Variants in RP1 observed in about 807,000 individuals in gnomAD.
RP1 encodes the protein oxygen-regulated protein 1.
RP1 carries 16 observed loss-of-function variants against 14.8 expected under a neutral mutation model. That is an observed-to-expected ratio of 1.08 (90% CI 0.73 to 1.65). RP1 has a LOEUF of 1.65. Ranked by LOEUF, RP1 falls within the 40% of genes most tolerant of loss-of-function variation. The pLI is 0.00. For synonymous variants in RP1, 876 were observed against 883.6 expected (o/e 0.99, Z 0.15); for missense variants, 2,631 against 2,535.0 (o/e 1.04, Z -0.81).
chr8:54,626,545 C>T lies in RP1; in HGVS notation c.2663C>T (p.Ala888Val). The T allele has an allele frequency of 1.2e-6, 2 of 1,613,730 alleles. No individual in the cohort carries two copies. The highest frequency in any genetic ancestry group is 1.7e-4 in the Middle Eastern group (1 of 6,058). The change falls in exon 4 of 4, where the codon GCT becomes GTT. Residue 888 changes from alanine (A) to valine (V), a missense_variant. Coordinates refer to ENST00000220676, the MANE Select transcript of RP1 (RefSeq NM_006269.2). ...AGTGCTATTTTAAGTAAACAACATG[C>T]TACAACCAGGGCAAATTCTTTAGCT... Reference protein sequence around the residue: ...KASAILSKQHATTRANSLASL... With the variant: ...KASAILSKQHVTTRANSLASL...
chr8:54,701,457 T>G (rs1808015628), intron 13 of RP1: 2 of 1,489,342 alleles, frequency 1.3e-6, no homozygotes, highest in Non-Finnish European at 1.8e-6. Flanking sequence ...TGTTACTAAT[T>G]TAGAGGGTTT....
Position 54,664,570 on chromosome 8 carries a change from A to G in RP1, c.1323+720A>G, listed in dbSNP as rs938734110. Reference sequence around the variant, plus strand: ...TGCCAAGACTTGTTAATTTTTTTTTATGTAACCATCCTAATGGCTATGAAG... The same window carrying G: ...TGCCAAGACTTGTTAATTTTTTTTTGTGTAACCATCCTAATGGCTATGAAG... On this transcript the variant is annotated intron_variant, in intron 7 of 22. Transcript: ENST00000636932. 3.3e-5 allele frequency among the ~76,000 whole-genome samples: 5 copies of G among 151,972 alleles called. No individual in the cohort carries two copies. In the East Asian group the frequency reaches 7.7e-4, roughly 23 times the overall value.
At chr8:54,573,813 C>T (rs1359507668) in intron 1 of RP1, among the ~76,000 whole-genome samples, 4 of 152,128 alleles carry the variant, frequency 2.6e-5, no homozygotes, top group African/African-American at 9.7e-5. Flanking sequence ...AGGATTGGAA[C>T]AACTCCAATG....
At position 54,621,358 on chromosome 8, in the gene RP1, G is replaced by A. The variant is rs752150870; in HGVS notation, c.392G>A (p.Arg131Gln). The A allele has an allele frequency of 5.8e-5, 93 of 1,611,612 alleles. No homozygotes were observed. In the East Asian group the frequency reaches 2.1e-3, roughly 36 times the overall value. The change falls in exon 2 of 4, where the codon CGG (arginine) becomes CAG (glutamine). Residue 131 changes from arginine to glutamine, a missense_variant. Physicochemically the swap from Arg to Gln is conservative, Grantham distance 43. Transcript: ENST00000220676. ...CGCCCGCGGCCCTGGCTCAGCAGCC[G>A]GGCCATTAGCGCGCACTCACCGCCC... ...RRRPRPWLSS[R>Q]AISAHSPPHP...
chr8:54,854,809 G>A (rs1321840786), intron 26 of RP1, among the ~76,000 whole-genome samples: 2 of 152,160 alleles, frequency 1.3e-5, no homozygotes, highest in African/African-American at 2.4e-5. Context: ...AGGTTGCATT[G>A]AGCCAAGACA....
Position 54,785,049 on chromosome 8 carries a change from C to T in RP1, c.3615+1339C>T, listed in dbSNP as rs531266302. On this transcript the variant is annotated intron_variant, in intron 24 of 28. Transcript: ENST00000637698. Reference sequence around the variant, plus strand: ...CAAATCAGGGTAAAAAAACATTTACCCATTTAAAGTGTATAAAGTGTACAA... The same window carrying T: ...CAAATCAGGGTAAAAAAACATTTACTCATTTAAAGTGTATAAAGTGTACAA... Among the ~76,000 whole-genome samples, 374 of 151,768 alleles carry T rather than the reference C, an allele frequency of 2.5e-3. 2 individuals carry two copies. The highest frequency in any genetic ancestry group is 4.1e-3 in the Non-Finnish European group (280 of 67,884).
chr8:54,630,324 G>C lies in RP1; in HGVS notation c.6442G>C (p.Glu2148Gln). The change falls in exon 4 of 4, where the codon GAA becomes CAA. Residue 2148 changes from glutamate to glutamine, a missense_variant. Coordinates refer to ENST00000220676, the MANE Select transcript of RP1 (RefSeq NM_006269.2). ...EEDILNLTDL[E>Q]SSREQEDL is the part of the protein sequence containing the mutation. ...AGACATATTAAATTTAACTGATCTT[G>C]AAAGCAGTAGAGAACAAGAAGATTT... is the stretch of plus-strand genomic sequence containing the variant. The C allele has an allele frequency of 3.7e-6, 6 of 1,613,702 alleles. No individual in the cohort carries two copies. Among genetic ancestry groups the C allele is most frequent in the Non-Finnish European group, 5.1e-6 (6 of 1,179,768 alleles).
intron 1 of RP1, among the ~76,000 whole-genome samples, chr8:54,591,695 G>A (rs1585533508): frequency 6.6e-6 from 1 of 152,050 alleles, no homozygotes; most frequent in South Asian, 2.1e-4. Flanking sequence ...ACAATCCTTT[G>A]GGTGGGCCAA....
chr8:54,759,217 C>T, intron 22 of RP1: 2 of 788,624 alleles, frequency 2.5e-6, no homozygotes, highest in Non-Finnish European at 3.7e-6. Flanking sequence ...TCAGATTCCA[C>T]ACCATGAATA....
chr8:54,737,727 AGTG>A (rs1157814654), intron 18 of RP1, among the ~76,000 whole-genome samples: 1 of 152,118 alleles, frequency 6.6e-6, no homozygotes, highest in Non-Finnish European at 1.5e-5. Flanking sequence ...TGTAGGGGAA[AGTG>A]GTGGTGGGCA....
intron 28 of RP1, chr8:54,869,764 GT>G (rs911288868): frequency 5.5e-4 from 277 of 503,278 alleles, no homozygotes; most frequent in Middle Eastern, 2.8e-3. Flanking sequence ...CTTTCCATAT[GT>G]TTTTTTTTCC....
intron 25 of RP1, among the ~76,000 whole-genome samples, chr8:54,838,683 G>T (rs1174507711): frequency 6.6e-6 from 1 of 152,122 alleles, no homozygotes; most frequent in Admixed American, 6.6e-5. Flanking sequence ...ATTCCTGCAT[G>T]CATATGTGAA....
At chr8:54,824,349 C>T (rs1811332905) in intron 24 of RP1, among the ~76,000 whole-genome samples, 1 of 152,094 alleles carries the variant, frequency 6.6e-6, no homozygotes, top group Non-Finnish European at 1.5e-5. Context: ...GAGTACAACT[C>T]ACCCAATATG....
chr8:54,815,104 T>G (rs1381399455), intron 24 of RP1, among the ~76,000 whole-genome samples: 1 of 152,256 alleles, frequency 6.6e-6, no homozygotes, highest in African/African-American at 2.4e-5. Context: ...AGTTTTATAA[T>G]ATGCTTATTT....
chr8:54,599,161 G>C (rs1585538265), intron 1 of RP1, among the ~76,000 whole-genome samples: 1 of 151,902 alleles, frequency 6.6e-6, no homozygotes, highest in Non-Finnish European at 1.5e-5. Flanking sequence ...CTGTTGTTCA[G>C]ATTGGGTAAT....
In RP1 at chr8:54,626,296, A is replaced by G. The variant is rs1381923555; in HGVS notation, c.2414A>G (p.Asn805Ser). 6.2e-7 allele frequency: 1 copy of G among 1,613,504 alleles called. No homozygotes were observed. The highest frequency in any genetic ancestry group is 1.7e-5 in the Admixed American group (1 of 59,986). Reference sequence around the variant, plus strand: ...CAAAGAGATAAAGTGTTTCCTCACAATGAATCTAAATATTGCAAAAGTACT... The same window carrying G: ...CAAAGAGATAAAGTGTTTCCTCACAGTGAATCTAAATATTGCAAAAGTACT... ...IGQRDKVFPHNESKYCKSTFE... is the reference protein window; with the variant it reads ...IGQRDKVFPHSESKYCKSTFE... The change falls in exon 4 of 4, where the codon AAT becomes AGT. Residue 805 changes from asparagine to serine, a missense_variant. Asn to Ser is a conservative substitution (Grantham distance 46, BLOSUM62 1). Coordinates refer to ENST00000220676, the MANE Select transcript of RP1 (RefSeq NM_006269.2).
chr8:54,770,950 C>G (rs975115400), downstream of RP1, among the ~76,000 whole-genome samples: 9 of 151,844 alleles, frequency 5.9e-5, no homozygotes, highest in Non-Finnish European at 1.2e-4. Flanking sequence ...ATATGCATAC[C>G]AGGTTACCAC....
intron 1 of RP1, among the ~76,000 whole-genome samples, chr8:54,616,680 G>T (rs1457577644): frequency 6.6e-6 from 1 of 152,182 alleles, no homozygotes; most frequent in Non-Finnish European, 1.5e-5. Flanking sequence ...ATTGCTAAAA[G>T]AATGAACATT....
intron 23 of RP1, among the ~76,000 whole-genome samples, chr8:54,781,276 T>C (rs1810179601): frequency 6.6e-6 from 1 of 152,226 alleles, no homozygotes; most frequent in Admixed American, 6.5e-5. Context: ...GATAAATATT[T>C]AGACTTCAAT....
Sources: allele counts gnomAD v4.1 joint callset (sites outside exome capture counted in the v4.1 genomes callset), GRCh38; gene constraint gnomAD v4.1.1; transcripts MANE v1.5; gene names NCBI Gene and HGNC (gene_info 2026-07-23, HGNC 2026-07-21).